Variants in CBLN2 observed in about 807,000 individuals in gnomAD.
The protein encoded by CBLN2 is cerebellin 2 precursor, also known as cerebellin-2.
Under a neutral mutation model 15.0 loss-of-function variants are expected in CBLN2, and 7 were observed. The observed-to-expected ratio is 0.47, with a 90% CI of 0.27 to 0.88. The LOEUF (loss-of-function observed/expected upper bound fraction) is 0.88. Ranked by LOEUF, CBLN2 falls within the 40% of genes least tolerant of loss-of-function variation. CBLN2 has a pLI of 0.14. For missense variants in CBLN2, 242 were observed against 304.5 expected, an observed-to-expected ratio of 0.79 and a Z score of 1.53; for synonymous variants, 149 against 135.2, an observed-to-expected ratio of 1.10 and a Z score of -0.71.
upstream of CBLN2, among the ~76,000 whole-genome samples, chr18:72,547,475 T>C (rs2144877425): frequency 6.6e-6 from 1 of 152,288 alleles, no homozygotes; most frequent in East Asian, 1.9e-4. Context: ...ATTAAAAATT[T>C]AAAAAATTCT....
intron 1 of CBLN2, among the ~76,000 whole-genome samples, chr18:72,584,174 T>C (rs764367262): frequency 9.2e-5 from 14 of 152,136 alleles, no homozygotes; most frequent in Non-Finnish European, 1.3e-4. Flanking sequence ...TGCTGCTTGA[T>C]TCTCATTCAG....
chr18:72,561,783 T>A (rs1471410246), intron 1 of CBLN2, among the ~76,000 whole-genome samples: 1 of 152,136 alleles, frequency 6.6e-6, no homozygotes, highest in Non-Finnish European at 1.5e-5. Flanking sequence ...ATTTTCCCTC[T>A]GTCCGTGCGG....
intron 1 of CBLN2, among the ~76,000 whole-genome samples, chr18:72,624,966 G>T (rs1350218905): frequency 6.6e-6 from 1 of 152,052 alleles, no homozygotes; most frequent in East Asian, 1.9e-4. Context: ...TTTAGAAAAA[G>T]TAAAAAATTT....
At position 72,538,075 on chromosome 18, in the gene CBLN2, G is replaced by A. The variant is rs1023643995; in HGVS notation, c.*101C>T. On this transcript the variant is annotated 3_prime_UTR_variant, in exon 5 of 5. Transcript: ENST00000269503. ...CTTCTACTGCAACAGTCTGACGGAG[G>A]TTGGAAACAAGGTGTCCAATTCCAG... The A allele has an allele frequency of 6.9e-6, 8 of 1,155,944 alleles. No individual in the cohort carries two copies. In the African/African-American group the frequency reaches 1.2e-4, roughly 18 times the overall value. 71.6% of individuals were successfully genotyped at this position (1,155,944 alleles called of 1,614,324 possible).
chr18:72,556,896 G>A (rs1351730811), intron 1 of CBLN2, among the ~76,000 whole-genome samples: 1 of 152,014 alleles, frequency 6.6e-6, no homozygotes, highest in Admixed American at 6.6e-5. Context: ...TAATAGCTAA[G>A]GATCTGAGAA....
chr18:72,541,386 CT>C (rs1369070314), intron 3 of CBLN2, among the ~76,000 whole-genome samples: 1 of 151,896 alleles, frequency 6.6e-6, no homozygotes, highest in African/African-American at 2.4e-5. Flanking sequence ...GGGAAGACTC[CT>C]TTCGTGAGCG....
At chr18:72,627,112 A>T (rs555531014) in intron 1 of CBLN2, among the ~76,000 whole-genome samples, 1 of 152,316 alleles carries the variant, frequency 6.6e-6, no homozygotes, top group South Asian at 2.1e-4. Flanking sequence ...ACAGAATATT[A>T]AAAAAATGAG....
intron 1 of CBLN2, among the ~76,000 whole-genome samples, chr18:72,595,217 G>T (rs2069505378): frequency 6.6e-6 from 1 of 151,620 alleles, no homozygotes; most frequent in South Asian, 2.1e-4. Context: ...CAAGGTTTTG[G>T]TGCATTGTGT....
At chr18:72,615,524 G>T (rs1290805331) in intron 1 of CBLN2, among the ~76,000 whole-genome samples, 1 of 151,866 alleles carries the variant, frequency 6.6e-6, no homozygotes, top group Non-Finnish European at 1.5e-5. Flanking sequence ...TGATCCGCCT[G>T]CCTTGGCTTC....
At chr18:72,551,526 G>GTCT (rs2069191766) in intron 1 of CBLN2, among the ~76,000 whole-genome samples, 1 of 152,146 alleles carries the variant, frequency 6.6e-6, no homozygotes, top group Non-Finnish European at 1.5e-5. Context: ...GTGTCACTAA[G>GTCT]TCTTCAGAAA....
At position 72,537,828 on chromosome 18, in the gene CBLN2, C is replaced by T. The variant is rs527784292; in HGVS notation, c.*348G>A. 5.6e-5 allele frequency: 18 copies of T among 320,452 alleles called. No homozygotes were observed. The highest frequency in any genetic ancestry group is 3.4e-4 in the African/African-American group (16 of 46,518). 19.9% of individuals were successfully genotyped at this position (320,452 alleles called of 1,614,324 possible). On this transcript the variant is annotated 3_prime_UTR_variant, in exon 5 of 5. Transcript: ENST00000269503. ...ATCCTGGAGTCAGGAGCTCTCCTTCCGTTGGGACGACAATACAACATACAA... is the reference window on the plus strand; with the variant it reads ...ATCCTGGAGTCAGGAGCTCTCCTTCTGTTGGGACGACAATACAACATACAA...
chr18:72,538,774 T>G lies in CBLN2; in HGVS notation c.358-2A>C. 2 of 1,612,968 alleles carry G rather than the reference T, an allele frequency of 1.2e-6. No homozygotes were observed. Among genetic ancestry groups the G allele is most frequent in the Non-Finnish European group, 1.7e-6 (2 of 1,179,760 alleles). ...GTGGTTGCCAATATTTACTAATACC[T>G]GAAAAAGAAGAGGGAACACAGCACA... On this transcript the variant is annotated splice_acceptor_variant, in intron 3 of 4. Transcript: ENST00000269503. LOFTEE classifies it high-confidence loss of function.
chr18:72,636,761 A>G (rs999234085), intron 1 of CBLN2, among the ~76,000 whole-genome samples: 1 of 152,208 alleles, frequency 6.6e-6, no homozygotes, highest in Non-Finnish European at 1.5e-5. Context: ...GGTTTCTCAC[A>G]TGTAGAATGA....
intron 1 of CBLN2, among the ~76,000 whole-genome samples, chr18:72,575,617 C>T (rs2069360850): frequency 6.6e-6 from 1 of 152,010 alleles, no homozygotes; most frequent in African/African-American, 2.4e-5. Context: ...AGAGGGCTGC[C>T]GGAGAAGCCG....
chr18:72,552,285 T>C (rs2069196490), intron 1 of CBLN2, among the ~76,000 whole-genome samples: 1 of 152,028 alleles, frequency 6.6e-6, no homozygotes, highest in Admixed American at 6.6e-5. Flanking sequence ...GGTTTAGTCA[T>C]GTTGATCAGG....
chr18:72,606,400 C>T (rs2069583834), intron 1 of CBLN2, among the ~76,000 whole-genome samples: 1 of 151,962 alleles, frequency 6.6e-6, no homozygotes, highest in Non-Finnish European at 1.5e-5. Flanking sequence ...TGATTTTTTC[C>T]TTTGGGGTTA....
chr18:72,603,799 T>C (rs951817538), intron 1 of CBLN2, among the ~76,000 whole-genome samples: 6 of 152,150 alleles, frequency 3.9e-5, no homozygotes, highest in African/African-American at 1.2e-4. Flanking sequence ...ATTGCCTAAA[T>C]AATTTCAATG....
intron 1 of CBLN2, among the ~76,000 whole-genome samples, chr18:72,580,340 T>G (rs1223731668): frequency 6.6e-6 from 1 of 152,204 alleles, no homozygotes; most frequent in Non-Finnish European, 1.5e-5. Context: ...ACTATTCAGC[T>G]ATTGACTTAT....
intron 1 of CBLN2, among the ~76,000 whole-genome samples, chr18:72,612,561 T>C (rs1400825106): frequency 6.6e-6 from 1 of 152,142 alleles, no homozygotes; most frequent in Non-Finnish European, 1.5e-5. Context: ...TTTTCTGTGT[T>C]TTTCTGTACT....
Sources: gnomAD v4.1 joint callset for allele counts (sites outside exome capture counted in the v4.1 genomes callset) on GRCh38, gnomAD v4.1.1 for gene constraint, MANE v1.5 for transcripts, NCBI Gene and HGNC (gene_info 2026-07-23, HGNC 2026-07-21) for gene names.